AKAP9: variants seen among roughly 807,000 people sequenced by gnomAD.
AKAP9 encodes A-kinase anchoring protein 9.
Under a neutral mutation model 488.5 loss-of-function variants are expected in AKAP9, and 311 were observed. The observed-to-expected ratio is 0.64, with a 90% CI of 0.58 to 0.70. The LOEUF (loss-of-function observed/expected upper bound fraction) is 0.70, where lower values mean the gene tolerates loss of function less well. Ranked by LOEUF, AKAP9 falls within the 30% of genes least tolerant of loss-of-function variation. The pLI, the probability that AKAP9 is intolerant of heterozygous loss-of-function variation, is 0.00. For synonymous variants in AKAP9, 1,462 were observed against 1,483.5 expected, an observed-to-expected ratio of 0.99 and a Z score of 0.33; for missense variants, 4,215 against 4,374.5, an observed-to-expected ratio of 0.96 and a Z score of 1.03.
chr7:91,998,405 C>A (rs1200498005), intron 7 of AKAP9, among the ~76,000 whole-genome samples: 1 of 120,348 alleles, frequency 8.3e-6, no homozygotes, highest in African/African-American at 3.0e-5. Context: ...ATAGTGTATT[C>A]AACCACAGGG....
Position 92,089,413 on chromosome 7 carries a change from G to T in AKAP9, c.9242G>T (p.Cys3081Phe). Reference protein sequence around the residue: ...QGVEYQAAMECLQKADRRSLL... With the variant: ...QGVEYQAAMEFLQKADRRSLL... ...GTTGAATATCAAGCAGCTATGGAATGCCTCCAGAAAGCAGATAGAAGGAGT... is the reference window on the plus strand; with the variant it reads ...GTTGAATATCAAGCAGCTATGGAATTCCTCCAGAAAGCAGATAGAAGGAGT... The change falls in exon 38 of 50, where the codon TGC becomes TTC. Residue 3081 changes from cysteine (C) to phenylalanine (F), a missense_variant. Cys to Phe is a radical substitution (Grantham distance 205, BLOSUM62 -2). Transcript: ENST00000356239. The T allele has an allele frequency of 6.2e-7, 1 of 1,611,920 alleles. No homozygotes were observed. The highest frequency in any genetic ancestry group is 1.1e-5 in the South Asian group (1 of 90,988).
In AKAP9 at chr7:92,100,936, A is replaced by C; in HGVS notation, c.10977A>C (p.Lys3659Asn). The C allele has an allele frequency of 8.7e-6, 14 of 1,614,184 alleles. No homozygotes were observed. The highest frequency in any genetic ancestry group is 1.2e-5 in the Non-Finnish European group (14 of 1,180,030). The change falls in exon 45 of 50, where the codon AAA becomes AAC. Residue 3659 changes from lysine (K) to asparagine (N), a missense_variant. Lys to Asn is a moderately conservative substitution (Grantham distance 94). Around this residue, in one of 5 missense-constraint regions of AKAP9, gnomAD observed 74 missense variants for 113.0 expected, o/e 0.65. Coordinates refer to ENST00000356239, the MANE Select transcript of AKAP9 (RefSeq NM_005751.5). ...ASEKEVWNRE[K>N]LTLQKSLKRA... Reference sequence around the variant, plus strand: ...AAAAAGAAGTATGGAACAGAGAAAAATTGACTCTCCAGAAATCTTTGAAAA... The same window carrying C: ...AAAAAGAAGTATGGAACAGAGAAAACTTGACTCTCCAGAAATCTTTGAAAA...
At chr7:92,036,071 AT>A (rs1350420792) in intron 16 of AKAP9, among the ~76,000 whole-genome samples, 2 of 144,372 alleles carry the variant, frequency 1.4e-5, no homozygotes, top group African/African-American at 5.1e-5. Flanking sequence ...AGTTGTCTTT[AT>A]TTTATGTCTT....
At chr7:92,034,673 G>A (rs1804900414) in intron 16 of AKAP9, among the ~76,000 whole-genome samples, 2 of 148,820 alleles carry the variant, frequency 1.3e-5, no homozygotes, top group Admixed American at 1.3e-4. Context: ...GCTAATTTTT[G>A]TGGGTTTTTT....
chr7:92,052,405 C>T (rs1484760432), intron 21 of AKAP9, among the ~76,000 whole-genome samples: 1 of 152,138 alleles, frequency 6.6e-6, no homozygotes, highest in Non-Finnish European at 1.5e-5. Context: ...GTCCCTATTA[C>T]TTAGCAAACT....
rs1801193990 is a variant in AKAP9 at position 92,014,264 on chromosome 7, C to G, written c.3548C>G (p.Pro1183Arg). ...GTTCTATTAGGTGATGAAGGAAAGCCTTTACATCTGCTCATTGGAAAACTT... is the reference window on the plus strand; with the variant it reads ...GTTCTATTAGGTGATGAAGGAAAGCGTTTACATCTGCTCATTGGAAAACTT... ...KTQETGDEGK[P>R]LHLLIGKLQK... The change falls in exon 10 of 50, where the codon CCT (proline) becomes CGT (arginine). Residue 1183 changes from proline (P) to arginine (R), a missense_variant. By Grantham distance (103) the Pro-to-Arg change is moderately radical. Coordinates refer to ENST00000356239, the MANE Select transcript of AKAP9 (RefSeq NM_005751.5). 1.2e-6 allele frequency: 2 copies of G among 1,611,994 alleles called. No homozygotes were observed. The highest frequency in any genetic ancestry group is 1.7e-6 in the Non-Finnish European group (2 of 1,178,296).
At chr7:91,980,470 G>C in intron 3 of AKAP9, 137 bp downstream of exon 3, 2 of 172,902 alleles carry the variant, frequency 1.2e-5, no homozygotes, top group Non-Finnish European at 1.2e-5. Flanking sequence ...TAAGTGACTA[G>C]AACCTGAGGA....
chr7:91,968,435 A>C (rs965806459), intron 1 of AKAP9, among the ~76,000 whole-genome samples: 7 of 152,056 alleles, frequency 4.6e-5, no homozygotes, highest in African/African-American at 1.7e-4. Flanking sequence ...CTGTGGTCTC[A>C]GTTTTTACAT....
chr7:92,097,696 A>C lies in AKAP9; in HGVS notation c.10509A>C (p.Gly3503=), dbSNP rs1816855095. 1.2e-6 allele frequency: 2 copies of C among 1,614,058 alleles called. No homozygotes were observed. Among genetic ancestry groups the C allele is most frequent in the Non-Finnish European group, 1.7e-6 (2 of 1,179,988 alleles). Residue 3503 remains glycine, a synonymous_variant, in exon 42 of 50, where the codon GGA becomes GGC. Coordinates refer to ENST00000356239, the MANE Select transcript of AKAP9 (RefSeq NM_005751.5). ...ACGCTAAATTGATTGAAATGAATGG[A>C]GGAGGAACCGGCTGTAATCATGAAT... ...SNYAKLIEMN[G]GGTGCNHELE...
At chr7:92,104,910 T>C (rs1329626954) in intron 46 of AKAP9, among the ~76,000 whole-genome samples, 1 of 152,118 alleles carries the variant, frequency 6.6e-6, no homozygotes, top group Non-Finnish European at 1.5e-5. Context: ...ACTTAGAATA[T>C]AATAAGTAAA....
At chr7:92,085,765 T>C in intron 36 of AKAP9, 79 bp downstream of exon 36, 4 of 1,112,154 alleles carry the variant, frequency 3.6e-6, no homozygotes, top group East Asian at 5.3e-5. Context: ...TTAAATTATC[T>C]TTTATACATA....
chr7:92,024,168 T>G (rs1802733790), intron 14 of AKAP9, among the ~76,000 whole-genome samples: 1 of 151,750 alleles, frequency 6.6e-6, no homozygotes, highest in African/African-American at 2.4e-5. Context: ...TTCCAGCATT[T>G]TGGGAAGCTG....
intron 37 of AKAP9, 70 bp from the exon 38 acceptor site, chr7:92,089,315 G>C: frequency 6.4e-7 from 1 of 1,558,794 alleles, no homozygotes; most frequent in Non-Finnish European, 8.8e-7. Flanking sequence ...TTCTTCTTTA[G>C]ATTTCTTGGT....
chr7:92,037,198 G>C (rs542007232), intron 16 of AKAP9, among the ~76,000 whole-genome samples: 1 of 152,270 alleles, frequency 6.6e-6, no homozygotes, highest in South Asian at 2.1e-4. Flanking sequence ...TTTAGTTGTG[G>C]AATAGTATAA....
chr7:92,033,942 C>T (rs1804726735), intron 16 of AKAP9, among the ~76,000 whole-genome samples: 1 of 152,118 alleles, frequency 6.6e-6, no homozygotes, highest in Admixed American at 6.5e-5. Context: ...TTTCCATAGA[C>T]CTTACATTCC....
rs187737963 is a variant in AKAP9 at position 92,030,931 on chromosome 7, C to T, written c.4246-581C>T. On this transcript the variant is annotated intron_variant, in intron 15 of 49. Coordinates refer to ENST00000356239, the MANE Select transcript of AKAP9 (RefSeq NM_005751.5). The stretch of plus-strand genomic sequence containing the variant: ...AAAAAGTAAGATCATCGTTCTTCCT[C>T]GCTCAGTATACAGAGGAAAGATGTT... Among the ~76,000 whole-genome samples, 303 of 152,280 alleles carry T rather than the reference C, an allele frequency of 2.0e-3. 1 individual carries two copies. Among genetic ancestry groups the T allele is most frequent in the African/African-American group, 6.6e-3 (276 of 41,556 alleles).
chr7:91,994,075 G>A (rs1798094106), intron 5 of AKAP9, among the ~76,000 whole-genome samples: 1 of 152,148 alleles, frequency 6.6e-6, no homozygotes, highest in South Asian at 2.1e-4. Context: ...GCTGTAGTGA[G>A]CCAAAATCAC....
Position 92,089,447 on chromosome 7 carries a change from T to G in AKAP9, c.9276T>G (p.Ser3092=). The G allele has an allele frequency of 6.2e-7, 1 of 1,612,846 alleles. No individual in the cohort carries two copies. The highest frequency in any genetic ancestry group is 1.1e-5 in the South Asian group (1 of 91,028). Residue 3092 remains serine (S), a synonymous_variant, in exon 38 of 50, where the codon TCT becomes TCG. Coordinates refer to ENST00000356239, the MANE Select transcript of AKAP9 (RefSeq NM_005751.5). ...LQKADRRSLL[S]EIQALHAQMN... is the part of the protein sequence containing the mutation. ...AAGCAGATAGAAGGAGTTTGTTATC[T>G]GAAATTCAGGCACTGCATGCACAAA...
chr7:92,084,891 G>C lies in AKAP9; in HGVS notation c.8783G>C (p.Arg2928Pro), dbSNP rs141103974. 6 of 1,613,244 alleles carry C rather than the reference G, an allele frequency of 3.7e-6. No homozygotes were observed. The highest frequency in any genetic ancestry group is 1.6e-4 in the Middle Eastern group (1 of 6,076). The change falls in exon 35 of 50, where the codon CGA becomes CCA. Residue 2928 changes from arginine (R) to proline (P), a missense_variant. This residue lies in a region of AKAP9 where 1,476 missense variants were observed against 1,477.4 expected (regional missense o/e 1.00). Coordinates refer to ENST00000356239, the MANE Select transcript of AKAP9 (RefSeq NM_005751.5). ...GGATTTGACATAGCATCAGAAGGCC[G>C]AGGAGAAGAAAGTGAAAGTGCAACA... ...SQGFDIASEG[R>P]GEESESATDS...
Sources: gnomAD v4.1 joint callset for allele counts (sites outside exome capture counted in the v4.1 genomes callset) on GRCh38, gnomAD v4.1.1 for gene constraint, gnomAD v4.1.1 regional missense constraint, MANE v1.5 for transcripts, NCBI Gene and HGNC (gene_info 2026-07-23, HGNC 2026-07-21) for gene names.